Variants in NALCN observed in about 807,000 individuals in gnomAD.
NALCN encodes sodium leak channel NALCN.
A neutral mutation model predicts 225.3 loss-of-function variants in NALCN; 111 were observed. The observed-to-expected ratio is 0.49, with a 90% confidence interval of 0.42 to 0.58. The LOEUF is 0.58. Among genes scored for constraint, NALCN ranks in the 20% least tolerant of loss-of-function variants. NALCN has a pLI of 0.00. For missense variants in NALCN, 1,378 were observed against 2,202.4 expected (o/e 0.63, Z 7.49); for synonymous variants, 764 against 769.0 (o/e 0.99, Z 0.11).
chr13:101,100,677 T>C (rs1594203193), intron 27 of NALCN, 107 bp downstream of exon 27: 1 of 891,070 alleles, frequency 1.1e-6, no homozygotes, highest in Admixed American at 3.1e-5. Flanking sequence ...ACCTCCAGTT[T>C]CAAGTAATCT....
In NALCN at chr13:101,111,073, T is replaced by C. The variant is rs1053076030; in HGVS notation, c.2294+52A>G. The C allele has an allele frequency of 1.2e-4, 189 of 1,562,958 alleles. No individual in the cohort carries two copies. In the Middle Eastern group the frequency reaches 2.0e-3, roughly 17 times the overall value. On this transcript the variant is annotated intron_variant, in intron 19 of 43. Transcript: ENST00000251127. The stretch of plus-strand genomic sequence containing the variant: ...GACTGTGTACAGCGACCATTTCCTG[T>C]AAAACCCCCCTTTTTTAGAGTCTCT...
At chr13:101,397,099 T>C (rs866684109) in intron 2 of NALCN, among the ~76,000 whole-genome samples, 54 of 65,274 alleles carry the variant, frequency 8.3e-4, no homozygotes, top group Admixed American at 1.0e-3. Flanking sequence ...TATATATATA[T>C]ATATATATAT....
At chr13:101,142,096 T>C (rs1196616024) in intron 17 of NALCN, among the ~76,000 whole-genome samples, 1 of 150,886 alleles carries the variant, frequency 6.6e-6, no homozygotes, top group African/African-American at 2.4e-5. Flanking sequence ...TGTGTATATA[T>C]AAATATGTTT....
intron 11 of NALCN, among the ~76,000 whole-genome samples, chr13:101,256,130 C>T (rs923279208): frequency 1.4e-4 from 22 of 152,156 alleles, no homozygotes; most frequent in Admixed American, 1.4e-3. Context: ...GTTTAAGCCA[C>T]CCACATTCAC....
intron 14 of NALCN, among the ~76,000 whole-genome samples, chr13:101,189,392 G>T (rs1182071330): frequency 6.6e-6 from 1 of 152,052 alleles, no homozygotes; most frequent in Non-Finnish European, 1.5e-5. Flanking sequence ...TTAATATATG[G>T]CTTTAAATGC....
In NALCN at chr13:101,242,702, C is replaced by T. The variant is rs896934516; in HGVS notation, c.1267-4780G>A. On this transcript the variant is annotated intron_variant, in intron 11 of 43. Coordinates refer to ENST00000251127, the MANE Select transcript of NALCN (RefSeq NM_052867.4). ...GTCTAGTCATTGAGATTGCAATTTA[C>T]TTATCTTGTGATTAGCACACTTTAA... Among the ~76,000 whole-genome samples the T allele has an allele frequency of 2.8e-5, 3 of 106,910 alleles. 1 individual carries two copies. The East Asian group carries it at 7.1e-4, about 25-fold the overall frequency. The allele number at this position is 106,910 out of a possible 152,430, so 70.1% of individuals were successfully genotyped here.
Position 101,131,047 on chromosome 13 carries a change from C to T in NALCN, c.2119-6366G>A, listed in dbSNP as rs74119257. On this transcript the variant is annotated intron_variant, in intron 17 of 43. Transcript: ENST00000251127. ...CATTTCTCTTTGATTTTAAAAAATG[C>T]CCTCTTCTCCATTTTCTATTTCTCA... Among the ~76,000 whole-genome samples, 362 of 151,972 alleles carry T rather than the reference C, an allele frequency of 2.4e-3. 5 individuals are homozygous for T. Among genetic ancestry groups the T allele is most frequent in the African/African-American group, 8.3e-3 (344 of 41,478 alleles).
chr13:101,376,690 A>C lies in NALCN; in HGVS notation c.644+10T>G. The C allele has an allele frequency of 6.3e-7, 1 of 1,588,454 alleles. No homozygotes were observed. The highest frequency in any genetic ancestry group is 8.5e-7 in the Non-Finnish European group (1 of 1,173,150). The stretch of plus-strand genomic sequence containing the variant: ...AACTAGATTAAAATGCAGTTAATAG[A>C]TAAACTTACCCTGGCTTTGTGTCAT... On this transcript the variant is annotated intron_variant, in intron 6 of 43. Coordinates refer to ENST00000251127, the MANE Select transcript of NALCN (RefSeq NM_052867.4).
At chr13:101,219,114 G>A (rs2040845901) in intron 13 of NALCN, among the ~76,000 whole-genome samples, 1 of 152,042 alleles carries the variant, frequency 6.6e-6, no homozygotes, top group South Asian at 2.1e-4. Context: ...TACATTTTTG[G>A]GGGAACACTG....
At chr13:101,276,891 G>C (rs907260420) in intron 10 of NALCN, among the ~76,000 whole-genome samples, 72 of 152,204 alleles carry the variant, frequency 4.7e-4, no homozygotes, top group African/African-American at 1.7e-3. Context: ...AAAATTAGTT[G>C]CTAATGTGTG....
At chr13:101,207,180 C>G (rs922800188) in intron 13 of NALCN, among the ~76,000 whole-genome samples, 1 of 152,124 alleles carries the variant, frequency 6.6e-6, no homozygotes, top group African/African-American at 2.4e-5. Flanking sequence ...TAATAAAAAA[C>G]CAATTCTCAG....
intron 7 of NALCN, among the ~76,000 whole-genome samples, chr13:101,321,061 G>GTTAAATGCTTCA (rs11271117): frequency 4.6e-5 from 7 of 151,880 alleles, no homozygotes; most frequent in South Asian, 2.1e-4. Context: ...GCCCATAAAT[G>GTTAAATGCTTCA]TCTGTGAAAT....
intron 15 of NALCN, among the ~76,000 whole-genome samples, chr13:101,153,613 T>G (rs893731197): frequency 2.0e-5 from 3 of 152,136 alleles, no homozygotes; most frequent in African/African-American, 7.2e-5. Flanking sequence ...TCTTCCAGCC[T>G]CTCCTGTCTC....
intron 3 of NALCN, among the ~76,000 whole-genome samples, chr13:101,382,365 T>C (rs992565886): frequency 6.6e-6 from 1 of 152,124 alleles, no homozygotes; most frequent in African/African-American, 2.4e-5. Context: ...TCACAATGTA[T>C]TCTGATATGT....
intron 15 of NALCN, among the ~76,000 whole-genome samples, chr13:101,169,121 C>T (rs1408977899): frequency 6.6e-6 from 1 of 152,136 alleles, no homozygotes; most frequent in Non-Finnish European, 1.5e-5. Context: ...GTCTTTTTCT[C>T]CCACTGGCTC....
chr13:101,385,019 T>C (rs1000859032), intron 3 of NALCN, among the ~76,000 whole-genome samples: 8 of 152,190 alleles, frequency 5.3e-5, no homozygotes, highest in Non-Finnish European at 1.0e-4. Flanking sequence ...AATCAGATTG[T>C]ACCACTCTCA....
rs1246446331 is a variant in NALCN at position 101,191,959 on chromosome 13, C to T, written c.1722G>A (p.Val574=). The T allele has an allele frequency of 1.9e-6, 3 of 1,609,214 alleles. No homozygotes were observed. The South Asian group carries it at 3.3e-5, about 18-fold the overall frequency. The change falls in exon 14 of 44, where the codon GTG becomes GTA. Residue 574 remains valine, a synonymous_variant. Coordinates refer to ENST00000251127, the MANE Select transcript of NALCN (RefSeq NM_052867.4). ...LNAVGHMWAP[V]VAIYFILYHL... ...GATAGAGAATGAAATAGATGGCAAC[C>T]ACGGGTGCCCACATATGTCCCACAG...
chr13:101,136,508 A>C (rs566973188), intron 17 of NALCN, among the ~76,000 whole-genome samples: 3 of 141,088 alleles, frequency 2.1e-5, no homozygotes, highest in Admixed American at 1.6e-4. Context: ...CCTGTGTCCA[A>C]GTGTTCTCAT....
chr13:101,116,390 CT>C (rs1259213813), intron 18 of NALCN: 1 of 309,674 alleles, frequency 3.2e-6, no homozygotes, highest in African/African-American at 2.2e-5. Flanking sequence ...CTCTATTTTT[CT>C]TGACATTTCT....
Sources: gnomAD v4.1 joint callset for allele counts (sites outside exome capture counted in the v4.1 genomes callset) on GRCh38, gnomAD v4.1.1 for gene constraint, MANE v1.5 for transcripts, NCBI Gene and HGNC (gene_info 2026-07-23, HGNC 2026-07-21) for gene names.